Variants in GLRA2 observed in about 807,000 individuals in gnomAD.
GLRA2 encodes glycine receptor subunit alpha-2.
Under a neutral mutation model 31.6 loss-of-function variants are expected in GLRA2, and 11 were observed. The observed-to-expected ratio is 0.35, with a 90% CI of 0.22 to 0.58. GLRA2 has a LOEUF of 0.58. Among genes scored for constraint, GLRA2 ranks in the 20% least tolerant of loss-of-function variants. The pLI, the probability that GLRA2 is intolerant of heterozygous loss-of-function variation, is 0.84. For synonymous variants in GLRA2, 132 were observed against 134.0 expected, an observed-to-expected ratio of 0.99 and a Z score of 0.10; for missense variants, 212 against 351.8, an observed-to-expected ratio of 0.60 and a Z score of 3.18.
At chrX:14,676,006 A>G (rs952052261) in intron 7 of GLRA2, among the ~76,000 whole-genome samples, 1 of 112,469 alleles carries the variant, frequency 8.9e-6, no homozygotes, top group Admixed American at 9.4e-5. Flanking sequence ...TCAATAAAAG[A>G]TAAGTTGATT....
chrX:14,479,957 A>T, the GLRA2 span, among the ~76,000 whole-genome samples: 4 of 112,034 alleles, frequency 3.6e-5, no homozygotes, highest in Admixed American at 1.9e-4. Context: ...CAAACTGCTT[A>T]CTACAGTGGC....
rs908294489 is a variant in GLRA2, at chrX:14,593,207, G to GA, written c.495-11099dup. Reference sequence around the variant, plus strand: ...GGAAAAGGTACTTTATTTTAAAATGGAAAAAAAAATGTGTCCATCTGCGTA... The same window carrying GA: ...GGAAAAGGTACTTTATTTTAAAATGGAAAAAAAAAATGTGTCCATCTGCGTA... On this transcript the variant is annotated intron_variant, in intron 4 of 8. Coordinates refer to ENST00000218075, the MANE Select transcript of GLRA2 (RefSeq NM_002063.4). Among the ~76,000 whole-genome samples the GA allele has an allele frequency of 1.5e-4, 16 of 109,881 alleles. No individual in the cohort carries two copies. In the South Asian group the frequency reaches 1.5e-3, roughly 11 times the overall value.
chrX:14,488,334 A>T, the GLRA2 span, among the ~76,000 whole-genome samples: 4 of 112,220 alleles, frequency 3.6e-5, no homozygotes, highest in Non-Finnish European at 1.9e-5. Flanking sequence ...CCATTACCAC[A>T]CCCAAGAGAT....
the GLRA2 span, among the ~76,000 whole-genome samples, chrX:14,453,611 A>T: frequency 8.9e-6 from 1 of 112,257 alleles, no homozygotes; most frequent in Admixed American, 9.5e-5. Flanking sequence ...ATAGCTACTC[A>T]GGAAAACAGT....
chrX:14,521,405 A>C, the GLRA2 span, among the ~76,000 whole-genome samples: 1 of 111,812 alleles, frequency 8.9e-6, no homozygotes, highest in Middle Eastern at 4.7e-3. Flanking sequence ...TTCTCCTTTC[A>C]TTGAACATCA....
intron 7 of GLRA2, among the ~76,000 whole-genome samples, chrX:14,651,826 G>A (rs1309723415): frequency 8.9e-6 from 1 of 111,830 alleles, no homozygotes; most frequent in African/African-American, 3.2e-5. Context: ...TGAAATAAAT[G>A]TTTGTGTCTC....
At chrX:14,516,753 C>A in the GLRA2 span, among the ~76,000 whole-genome samples, 1 of 111,589 alleles carries the variant, frequency 9.0e-6, no homozygotes, top group Non-Finnish European at 1.9e-5. Context: ...TGTACCCAGG[C>A]ACCATGGCAT....
At chrX:14,501,427 T>TTGAC in the GLRA2 span, among the ~76,000 whole-genome samples, 1 of 111,653 alleles carries the variant, frequency 9.0e-6, no homozygotes, top group Admixed American at 9.5e-5. Context: ...GTCCTCCTCC[T>TTGAC]TGACTGGATC....
At chrX:14,499,870 T>A in the GLRA2 span, among the ~76,000 whole-genome samples, 1 of 111,337 alleles carries the variant, frequency 9.0e-6, no homozygotes, top group African/African-American at 3.3e-5. Context: ...TGGATTTTTT[T>A]TTAAAAAAAT....
At chrX:14,515,795 T>A in the GLRA2 span, among the ~76,000 whole-genome samples, 5 of 111,765 alleles carry the variant, frequency 4.5e-5, no homozygotes, top group Non-Finnish European at 9.4e-5. Context: ...TGGCTCTTAC[T>A]CATGAGGTCC....
At chrX:14,617,550 G>C (rs1027657957) in intron 7 of GLRA2, among the ~76,000 whole-genome samples, 1 of 111,541 alleles carries the variant, frequency 9.0e-6, no homozygotes, top group Non-Finnish European at 1.9e-5. Context: ...AGCAAAACTA[G>C]AGGCTTAAAA....
intron 7 of GLRA2, among the ~76,000 whole-genome samples, chrX:14,618,772 A>T (rs914389009): frequency 3.6e-5 from 4 of 111,399 alleles, no homozygotes; most frequent in Non-Finnish European, 5.7e-5. Flanking sequence ...AGCTCCTTGC[A>T]GCAGTAGAGA....
At chrX:14,718,915 A>G (rs1171393745) in intron 8 of GLRA2, among the ~76,000 whole-genome samples, 5 of 111,956 alleles carry the variant, frequency 4.5e-5, no homozygotes, top group African/African-American at 1.6e-4. Context: ...CCCAGATTCA[A>G]AGGGAGGGGA....
At chrX:14,610,332 T>G (rs1305292108) in intron 7 of GLRA2, among the ~76,000 whole-genome samples, 3 of 111,811 alleles carry the variant, frequency 2.7e-5, no homozygotes, top group Non-Finnish European at 3.8e-5. Flanking sequence ...AGAGGTGGGC[T>G]GAATACTGGA....
At chrX:14,668,156 A>G (rs997411223) in intron 7 of GLRA2, among the ~76,000 whole-genome samples, 22 of 112,043 alleles carry the variant, frequency 2.0e-4, no homozygotes, top group African/African-American at 7.1e-4. Context: ...TTCACTGGCT[A>G]TTGGCTGAAT....
At chrX:14,616,808 T>A (rs56949893) in intron 7 of GLRA2, among the ~76,000 whole-genome samples, 1 of 112,080 alleles carries the variant, frequency 8.9e-6, no homozygotes, top group Non-Finnish European at 1.9e-5. Context: ...CAGGATCTTA[T>A]GAAGTTCTTG....
the GLRA2 span, among the ~76,000 whole-genome samples, chrX:14,462,359 T>C: frequency 1.3e-4 from 14 of 111,080 alleles, no homozygotes; most frequent in African/African-American, 4.6e-4. Context: ...ATCTTTGTGG[T>C]GTTCTCTGTA....
chrX:14,524,852 T>C (rs1030024230), upstream of GLRA2, among the ~76,000 whole-genome samples: 2 of 110,689 alleles, frequency 1.8e-5, no homozygotes, highest in African/African-American at 6.6e-5. Context: ...TATAGTAGGC[T>C]TTCAGTGACT....
chrX:14,640,649 A>G (rs746807219), intron 7 of GLRA2, among the ~76,000 whole-genome samples: 7 of 111,295 alleles, frequency 6.3e-5, no homozygotes, highest in Non-Finnish European at 1.3e-4. Flanking sequence ...CTTCATATAA[A>G]TGGAATTTTG....
Sources: allele counts gnomAD v4.1 joint callset (sites outside exome capture counted in the v4.1 genomes callset), GRCh38; gene constraint gnomAD v4.1.1; transcripts MANE v1.5; gene names NCBI Gene and HGNC (gene_info 2026-07-23, HGNC 2026-07-21).